Variants in ACTN2 observed in about 807,000 individuals in gnomAD.
ACTN2 encodes the protein alpha-actinin-2.
A neutral mutation model predicts 113.8 loss-of-function variants in ACTN2; 39 were observed. The observed-to-expected ratio is 0.34, with a 90% CI of 0.27 to 0.45. The LOEUF (loss-of-function observed/expected upper bound fraction) is 0.45. Among genes scored for constraint, ACTN2 ranks in the 20% least tolerant of loss-of-function variants. The pLI is 1.00. For missense variants in ACTN2, 992 were observed against 1,177.9 expected (o/e 0.84, Z 2.31); for synonymous variants, 429 against 444.1 (o/e 0.97, Z 0.43).
intron 1 of ACTN2, among the ~76,000 whole-genome samples, chr1:236,705,430 A>C (rs1414402069): frequency 6.6e-6 from 1 of 152,224 alleles, no homozygotes; most frequent in Non-Finnish European, 1.5e-5. Context: ...AGCCGTTACA[A>C]CCAGTCCAAA....
intron 18 of ACTN2, among the ~76,000 whole-genome samples, chr1:236,759,048 G>A (rs984642248): frequency 1.3e-5 from 2 of 152,170 alleles, no homozygotes; most frequent in African/African-American, 4.8e-5. Flanking sequence ...GTCAGATTTG[G>A]GCCTTTTGGA....
intron 18 of ACTN2, among the ~76,000 whole-genome samples, chr1:236,758,969 A>G (rs1018679435): frequency 1.3e-5 from 2 of 152,202 alleles, no homozygotes; most frequent in Admixed American, 1.3e-4. Context: ...ATTACTTTGC[A>G]TGGAGCCCTG....
At chr1:236,753,851 T>G in intron 15 of ACTN2, 96 bp from the exon 16 acceptor site, 2 of 966,968 alleles carry the variant, frequency 2.1e-6, no homozygotes, top group Non-Finnish European at 3.1e-6. Flanking sequence ...CCTTCTCCAC[T>G]CCCACCCCCA....
At position 236,720,186 on chromosome 1, in the gene ACTN2, T is replaced by G; in HGVS notation, c.443T>G (p.Val148Gly). ...CGCTTTGCTATTCAGGATATTTCGG[T>G]TGAAGGTAAAAGACATGGTTAAAAG... Reference protein sequence around the residue: ...ILRFAIQDISVEETSAKEGLL... With the variant: ...ILRFAIQDISGEETSAKEGLL... The change falls in exon 4 of 21, where the codon GTT (valine) becomes GGT (glycine). Residue 148 changes from valine to glycine, a missense_variant. Transcript: ENST00000366578. 1 of 1,612,334 alleles carries G rather than the reference T, an allele frequency of 6.2e-7. No individual in the cohort carries two copies. Among genetic ancestry groups the G allele is most frequent in the South Asian group, 1.1e-5 (1 of 91,036 alleles).
chr1:236,738,580 T>C (rs925384729), intron 9 of ACTN2, among the ~76,000 whole-genome samples: 5 of 152,236 alleles, frequency 3.3e-5, no homozygotes, highest in African/African-American at 9.6e-5. Context: ...CTAAAACCCT[T>C]AGACTCTAGG....
chr1:236,716,132 T>A (rs1658203621), intron 1 of ACTN2, among the ~76,000 whole-genome samples: 1 of 150,308 alleles, frequency 6.7e-6, no homozygotes, highest in South Asian at 2.1e-4. Context: ...TTGAATTAAA[T>A]GCTGTCACCT....
intron 1 of ACTN2, among the ~76,000 whole-genome samples, chr1:236,716,292 C>A (rs1484992078): frequency 9.9e-5 from 15 of 152,044 alleles, no homozygotes; most frequent in South Asian, 2.1e-4. Flanking sequence ...AACACAAACC[C>A]TGTTTGTGTG....
chr1:236,710,459 C>T (rs1657990872), intron 1 of ACTN2, among the ~76,000 whole-genome samples: 1 of 152,218 alleles, frequency 6.6e-6, no homozygotes, highest in African/African-American at 2.4e-5. Context: ...GGATTAGGGA[C>T]TTTGCTAGCA....
intron 11 of ACTN2, 25 bp downstream of exon 11, chr1:236,743,068 A>AT (rs761008616): frequency 1.2e-6 from 2 of 1,613,716 alleles, no homozygotes; most frequent in South Asian, 1.1e-5. Flanking sequence ...GTCAGATTGG[A>AT]TTTTTGAAAA....
intron 6 of ACTN2, among the ~76,000 whole-genome samples, chr1:236,730,793 T>C (rs1318087559): frequency 6.6e-6 from 1 of 152,218 alleles, no homozygotes; most frequent in African/African-American, 2.4e-5. Context: ...CTAAAAGTTT[T>C]AGCTAGCAAC....
At chr1:236,745,823 C>T (rs1218341280) in intron 12 of ACTN2, among the ~76,000 whole-genome samples, 2 of 152,070 alleles carry the variant, frequency 1.3e-5, no homozygotes, top group African/African-American at 4.8e-5. Flanking sequence ...ATGGTAACTT[C>T]AAAAATTAAA....
At chr1:236,715,677 C>T (rs556588085) in intron 1 of ACTN2, among the ~76,000 whole-genome samples, 2 of 152,162 alleles carry the variant, frequency 1.3e-5, no homozygotes, top group East Asian at 1.9e-4. Flanking sequence ...GGCTTAAGAC[C>T]GAGTGTGGTG....
rs145188649 is a variant in ACTN2 at position 236,690,130 on chromosome 1, C to T, written c.126+3331C>T. ...TTCACAGTTGAGATGGCTGGATTCACCTTGGAGCACCTCCTGTCAGTCTGG... is the reference window on the plus strand; with the variant it reads ...TTCACAGTTGAGATGGCTGGATTCATCTTGGAGCACCTCCTGTCAGTCTGG... On this transcript the variant is annotated intron_variant, in intron 1 of 20. Transcript: ENST00000366578. Among the ~76,000 whole-genome samples the T allele has an allele frequency of 2.7e-4, 41 of 152,302 alleles. 1 individual carries two copies. The highest frequency in any genetic ancestry group is 9.6e-4 in the African/African-American group (40 of 41,550).
chr1:236,742,285 T>C (rs376039095), intron 10 of ACTN2, among the ~76,000 whole-genome samples: 1 of 151,452 alleles, frequency 6.6e-6, no homozygotes, highest in East Asian at 1.9e-4. Flanking sequence ...GGAAGCTGCA[T>C]GGGAACTTTA....
At chr1:236,732,679 G>A (rs1658747029) in intron 7 of ACTN2, among the ~76,000 whole-genome samples, 1 of 152,000 alleles carries the variant, frequency 6.6e-6, no homozygotes, top group African/African-American at 2.4e-5. Flanking sequence ...CTGACCTCAG[G>A]TGATCCACCT....
At chr1:236,689,556 C>G (rs964981191) in intron 1 of ACTN2, among the ~76,000 whole-genome samples, 10 of 151,704 alleles carry the variant, frequency 6.6e-5, no homozygotes, top group Non-Finnish European at 1.2e-4. Flanking sequence ...GACAGGGTCT[C>G]ACTGTGTTGC....
intron 1 of ACTN2, among the ~76,000 whole-genome samples, chr1:236,700,558 A>G (rs981591759): frequency 1.3e-5 from 2 of 152,120 alleles, no homozygotes; most frequent in African/African-American, 4.8e-5. Context: ...TTATAAACTG[A>G]CCCTCATCCC....
chr1:236,736,974 C>A, intron 8 of ACTN2, 148 bp from the exon 9 acceptor site: 2 of 680,890 alleles, frequency 2.9e-6, no homozygotes, highest in Non-Finnish European at 5.4e-6. Context: ...ATAAGCCATG[C>A]CTTCAGTCTG....
intron 8 of ACTN2, 55 bp downstream of exon 8, chr1:236,735,775 G>A: frequency 2.8e-6 from 4 of 1,448,594 alleles, no homozygotes. Context: ...GGTTTTAGTT[G>A]TGTGTGCATA....
Sources: gnomAD v4.1 joint callset for allele counts (sites outside exome capture counted in the v4.1 genomes callset) on GRCh38, gnomAD v4.1.1 for gene constraint, MANE v1.5 for transcripts, NCBI Gene and HGNC (gene_info 2026-07-23, HGNC 2026-07-21) for gene names.